PCDH7: variants seen among roughly 807,000 people sequenced by gnomAD.
PCDH7 encodes protocadherin-7.
A neutral mutation model predicts 58.9 loss-of-function variants in PCDH7; 17 were observed. That is an observed-to-expected ratio of 0.29 (90% CI 0.20 to 0.43). PCDH7 has a LOEUF of 0.43. PCDH7 is among the 20% of genes least tolerant of loss of function. The pLI is 1.00. For synonymous variants in PCDH7, 664 were observed against 616.4 expected (o/e 1.08, Z -1.14); for missense variants, 1,274 against 1,441.0 (o/e 0.88, Z 1.88).
At chr4:31,019,685 CAAA>C (rs1331351214) in intron 3 of PCDH7, among the ~76,000 whole-genome samples, 1 of 110,624 alleles carries the variant, frequency 9.0e-6, no homozygotes, top group Admixed American at 9.8e-5. Flanking sequence ...GAGACTCTGT[CAAA>C]AAAAAAAAAA....
intron 3 of PCDH7, among the ~76,000 whole-genome samples, chr4:31,089,198 T>C (rs948400546): frequency 6.6e-6 from 1 of 152,046 alleles, no homozygotes; most frequent in African/African-American, 2.4e-5. Context: ...TACATACCAG[T>C]AGGTATAATT....
intron 1 of PCDH7, among the ~76,000 whole-genome samples, chr4:30,886,327 C>T (rs1334538351): frequency 6.7e-6 from 1 of 150,138 alleles, no homozygotes; most frequent in Non-Finnish European, 1.5e-5. Context: ...TGAACAGACA[C>T]TTCTCAAAAG....
chr4:30,850,233 A>T, intron 1 of PCDH7, among the ~76,000 whole-genome samples: 1 of 152,132 alleles, frequency 6.6e-6, no homozygotes, highest in Non-Finnish European at 1.5e-5. Context: ...GCAAGGTTTT[A>T]GTGTATCTCA....
At chr4:30,960,089 G>A (rs1423377841) in intron 3 of PCDH7, among the ~76,000 whole-genome samples, 1 of 139,296 alleles carries the variant, frequency 7.2e-6, no homozygotes, top group Non-Finnish European at 1.5e-5. Context: ...GAGGAAGGAA[G>A]GAAGGAAGGA....
At chr4:31,111,453 C>T (rs115884934) in intron 3 of PCDH7, among the ~76,000 whole-genome samples, 7,194 of 151,994 alleles carry the variant, frequency 0.047, 304 homozygotes, top group Admixed American at 0.15. Context: ...GGATTACAAG[C>T]GCCCGCAACC....
chr4:30,931,439 G>C (rs1488752946), intron 2 of PCDH7, among the ~76,000 whole-genome samples: 2 of 152,078 alleles, frequency 1.3e-5, no homozygotes, highest in African/African-American at 4.8e-5. Flanking sequence ...GCTGGTCGTG[G>C]TGGCACATGC....
At chr4:30,916,119 A>G (rs1001344123) in intron 1 of PCDH7, among the ~76,000 whole-genome samples, 5 of 152,208 alleles carry the variant, frequency 3.3e-5, no homozygotes, top group Admixed American at 3.3e-4. Context: ...AATAATGGGC[A>G]TAAAAATAAA....
At chr4:31,080,400 A>T (rs2109267678) in intron 3 of PCDH7, among the ~76,000 whole-genome samples, 1 of 152,270 alleles carries the variant, frequency 6.6e-6, no homozygotes, top group African/African-American at 2.4e-5. Context: ...TGATTACCTA[A>T]AAAATGGTAA....
At chr4:30,823,320 G>A (rs1728601638) in intron 1 of PCDH7, among the ~76,000 whole-genome samples, 1 of 152,098 alleles carries the variant, frequency 6.6e-6, no homozygotes, top group Non-Finnish European at 1.5e-5. Flanking sequence ...ACATGTAGCG[G>A]TAATGGTTCT....
downstream of PCDH7, among the ~76,000 whole-genome samples, chr4:30,737,343 G>A (rs145091112): frequency 0.013 from 1,996 of 152,132 alleles, 44 homozygotes; most frequent in African/African-American, 0.045. Flanking sequence ...TTTTGGGGGC[G>A]TTTTCAATAT....
chr4:30,876,873 T>C lies in PCDH7; in HGVS notation c.71-43280T>C, dbSNP rs550031929. Reference sequence around the variant, plus strand: ...ATCTAGGTTTTAAGCCCTGCATGCATTAGGTATTTGTCCTAATGCTCTCTG... The same window carrying C: ...ATCTAGGTTTTAAGCCCTGCATGCACTAGGTATTTGTCCTAATGCTCTCTG... On this transcript the variant is annotated intron_variant, in intron 1 of 3. Transcript: ENST00000509759. Among the ~76,000 whole-genome samples the C allele has an allele frequency of 5.9e-5, 9 of 152,114 alleles. No homozygotes were observed. In the East Asian group the frequency reaches 1.7e-3, roughly 30 times the overall value.
Position 31,012,489 on chromosome 4 carries a change from T to C in PCDH7, c.*7+62274T>C. On this transcript the variant is annotated intron_variant, in intron 3 of 3. Coordinates refer to the PCDH7 transcript ENST00000509759. ...GCTTTTAGAGAGTCTTGTTATTTACTAGGCATTGGGTACAAGGTACTCAAT... is the reference window on the plus strand; with the variant it reads ...GCTTTTAGAGAGTCTTGTTATTTACCAGGCATTGGGTACAAGGTACTCAAT... Among the ~76,000 whole-genome samples the C allele has an allele frequency of 1.3e-5, 2 of 150,286 alleles. 1 individual carries two copies. The highest frequency in any genetic ancestry group is 3.0e-5 in the Non-Finnish European group (2 of 67,642).
intron 3 of PCDH7, among the ~76,000 whole-genome samples, chr4:30,999,669 A>C (rs1356254067): frequency 1.3e-5 from 2 of 152,170 alleles, no homozygotes; most frequent in Admixed American, 6.6e-5. Context: ...AATTTAAAAT[A>C]GCAATGCACT....
exon 4 of PCDH7, chr4:31,142,866 A>G: frequency 7.4e-7 from 1 of 1,348,158 alleles, no homozygotes; most frequent in Non-Finnish European, 9.8e-7. Context: ...AAGGAGCAAC[A>G]GCAAAGTTCT....
chr4:30,993,065 C>A (rs547599785), intron 3 of PCDH7, among the ~76,000 whole-genome samples: 2 of 152,120 alleles, frequency 1.3e-5, no homozygotes, highest in Non-Finnish European at 2.9e-5. Flanking sequence ...TCCCAAAGTG[C>A]TAGGATTACA....
At chr4:30,827,322 G>C (rs1047471381) in intron 1 of PCDH7, among the ~76,000 whole-genome samples, 4 of 152,082 alleles carry the variant, frequency 2.6e-5, no homozygotes, top group African/African-American at 9.7e-5. Context: ...AAAGTTTAAG[G>C]AATTTTTTTT....
intron 1 of PCDH7, among the ~76,000 whole-genome samples, chr4:30,817,118 T>A (rs554280701): frequency 6.6e-6 from 1 of 152,198 alleles, no homozygotes; most frequent in Non-Finnish European, 1.5e-5. Context: ...AATAAAAGCA[T>A]GACAGTTGTG....
rs556433076 is a variant in PCDH7 at position 30,918,894 on chromosome 4, G to A, written c.71-1259G>A. On this transcript the variant is annotated intron_variant, in intron 1 of 3. Transcript: ENST00000509759. ...TTAGCAAAACTAATTTATAAATTAG[G>A]GGGAGATGTTATAACTCTTCTTAGC... 5.9e-5 allele frequency among the ~76,000 whole-genome samples: 9 copies of A among 152,136 alleles called. No individual in the cohort carries two copies. In the East Asian group the frequency reaches 1.4e-3, roughly 23 times the overall value.
intron 3 of PCDH7, among the ~76,000 whole-genome samples, chr4:31,011,560 G>A (rs1233507714): frequency 6.6e-6 from 1 of 151,868 alleles, no homozygotes; most frequent in African/African-American, 2.4e-5. Flanking sequence ...TCTAATGTTT[G>A]CATACATTTA....
Sources: allele counts gnomAD v4.1 joint callset (sites outside exome capture counted in the v4.1 genomes callset), GRCh38; gene constraint gnomAD v4.1.1; transcripts MANE v1.5; gene names NCBI Gene and HGNC (gene_info 2026-07-23, HGNC 2026-07-21).